Variants in GABARAPL2 observed in about 807,000 individuals in gnomAD.
GABARAPL2 encodes GABA type A receptor associated protein like 2.
A neutral mutation model predicts 16.9 loss-of-function variants in GABARAPL2; 11 were observed. The observed-to-expected ratio is 0.65, with a 90% CI of 0.41 to 1.08. The LOEUF (loss-of-function observed/expected upper bound fraction) is 1.08. Among genes scored for constraint, GABARAPL2 ranks in the 50% least tolerant of loss-of-function variants. The probability of loss-of-function intolerance (pLI) is 0.00; values close to 1 mark genes in which losing one functional copy is unlikely to be tolerated. For synonymous variants in GABARAPL2, 57 were observed against 50.7 expected (o/e 1.12, Z -0.53); for missense variants, 134 against 142.5 (o/e 0.94, Z 0.30).
At chr16:75,574,305 A>G (rs1200466658) in intron 3 of GABARAPL2, among the ~76,000 whole-genome samples, 1 of 152,198 alleles carries the variant, frequency 6.6e-6, no homozygotes, top group Non-Finnish European at 1.5e-5. Context: ...ACTTGCTAGG[A>G]AAAGAGCAGA....
intron 3 of GABARAPL2, among the ~76,000 whole-genome samples, chr16:75,573,786 T>A (rs543926250): frequency 2.4e-4 from 36 of 152,214 alleles, no homozygotes; most frequent in Non-Finnish European, 4.0e-4. Context: ...TCTAGCTGTC[T>A]AATCACTTGG....
At chr16:75,572,998 A>G (rs1025271826) in intron 3 of GABARAPL2, among the ~76,000 whole-genome samples, 6 of 152,254 alleles carry the variant, frequency 3.9e-5, no homozygotes, top group African/African-American at 1.4e-4. Context: ...CAGGGCATCC[A>G]GCAAGCCTGT....
chr16:75,574,336 A>G (rs2080934277), intron 3 of GABARAPL2, among the ~76,000 whole-genome samples: 1 of 152,212 alleles, frequency 6.6e-6, no homozygotes, highest in African/African-American at 2.4e-5. Flanking sequence ...TTTGGAACCA[A>G]ACTTGACAGA....
chr16:75,577,544 A>G lies in GABARAPL2; in HGVS notation c.*175A>G, dbSNP rs1260668287. The G allele has an allele frequency of 5.5e-6, 3 of 541,308 alleles. No individual in the cohort carries two copies. Among genetic ancestry groups the G allele is most frequent in the Non-Finnish European group, 9.9e-6 (3 of 303,422 alleles). The allele number at this position is 541,308 out of a possible 1,614,324, so 33.5% of individuals were successfully genotyped here. ...TCCTTAGACTAGTAAATTATCATACAGAGTTTTATTTTGAGTTTTTCTTTT... is the reference window on the plus strand; with the variant it reads ...TCCTTAGACTAGTAAATTATCATACGGAGTTTTATTTTGAGTTTTTCTTTT... On this transcript the variant is annotated 3_prime_UTR_variant, in exon 4 of 4. Transcript: ENST00000037243.
rs2080894663 is a variant in GABARAPL2 at position 75,568,062 on chromosome 16, C to G, written c.116C>G (p.Ser39Cys). 2 of 1,609,058 alleles carry G rather than the reference C, an allele frequency of 1.2e-6. No individual in the cohort carries two copies. The highest frequency in any genetic ancestry group is 1.7e-6 in the Non-Finnish European group (2 of 1,175,978). The stretch of plus-strand genomic sequence containing the variant: ...GTGATTGTGGAAAAGGTCTCAGGCT[C>G]TCAGATTGTTGACATTGACAAACGG... ...VPVIVEKVSG[S>C]QIVDIDKRKY... Residue 39 changes from serine (S) to cysteine (C), a missense_variant, in exon 3 of 4, where the codon TCT (serine) becomes TGT (cysteine). Physicochemically the swap from Ser to Cys is moderately radical, Grantham distance 112. Coordinates refer to ENST00000037243, the MANE Select transcript of GABARAPL2 (RefSeq NM_007285.7).
At chr16:75,577,256 C>G (rs375592721) in intron 3 of GABARAPL2, 23 bp from the exon 4 acceptor site, 1 of 1,476,036 alleles carries the variant, frequency 6.8e-7, no homozygotes, top group Admixed American at 1.7e-5. Context: ...TTTTCAATGA[C>G]GTTTTTGTTT....
intron 3 of GABARAPL2, among the ~76,000 whole-genome samples, chr16:75,571,629 C>A (rs891066031): frequency 6.6e-6 from 1 of 151,906 alleles, no homozygotes; most frequent in Non-Finnish European, 1.5e-5. Flanking sequence ...GTGCTTAAAG[C>A]ACTTTGATCA....
At chr16:75,568,343 C>G in intron 3 of GABARAPL2, 134 bp downstream of exon 3, 1 of 579,590 alleles carries the variant, frequency 1.7e-6, no homozygotes, top group African/African-American at 1.8e-5. Context: ...TCCCTGACAT[C>G]AGGGGCTCCA....
intron 3 of GABARAPL2, 119 bp downstream of exon 3, chr16:75,568,328 T>A: frequency 1.6e-6 from 1 of 640,446 alleles, no homozygotes; most frequent in Non-Finnish European, 2.7e-6. Flanking sequence ...ATCTGGATTT[T>A]ATGCTCCCTG....
Position 75,568,125 on chromosome 16 carries a change from T to A in GABARAPL2, c.179T>A (p.Phe60Tyr). ...LVPSDITVAQFMWIIRKRIQL... is the reference protein window; with the variant it reads ...LVPSDITVAQYMWIIRKRIQL... The stretch of plus-strand genomic sequence containing the variant: ...CCATCTGATATCACTGTGGCTCAGT[T>A]CATGTGGATCATCAGGAAAAGGATC... Residue 60 changes from phenylalanine to tyrosine, a missense_variant, in exon 3 of 4, where the codon TTC becomes TAC. By Grantham distance (22) the Phe-to-Tyr change is conservative. Transcript: ENST00000037243. 2 of 1,612,988 alleles carry A rather than the reference T, an allele frequency of 1.2e-6. No individual in the cohort carries two copies. The highest frequency in any genetic ancestry group is 1.7e-6 in the Non-Finnish European group (2 of 1,178,968).
At chr16:75,573,046 T>A (rs547865537) in intron 3 of GABARAPL2, among the ~76,000 whole-genome samples, 1 of 152,358 alleles carries the variant, frequency 6.6e-6, no homozygotes, top group South Asian at 2.1e-4. Flanking sequence ...GCTGCCTCTG[T>A]GCTGCAGGAT....
At position 75,566,568 on chromosome 16, in the gene GABARAPL2, T is replaced by TGGGCCCCCTCCCCCACTCGGGC. The variant is rs1308594225; in HGVS notation, c.34+51_34+72dup. ...GGCTGCTGGGGGCTGGGGCGGCGGG[T>TGGGCCCCCTCCCCCACTCGGGC]GGGCCCCCTCCCCCACTCGGGCGGC... On this transcript the variant is annotated intron_variant, in intron 1 of 3. Coordinates refer to ENST00000037243, the MANE Select transcript of GABARAPL2 (RefSeq NM_007285.7). 5.0e-6 allele frequency: 8 copies of TGGGCCCCCTCCCCCACTCGGGC among 1,594,020 alleles called. No homozygotes were observed. The South Asian group carries it at 8.9e-5, about 18-fold the overall frequency.
intron 3 of GABARAPL2, among the ~76,000 whole-genome samples, chr16:75,569,701 C>A (rs2080903984): frequency 6.6e-6 from 1 of 152,192 alleles, no homozygotes; most frequent in Admixed American, 6.5e-5. Flanking sequence ...AAGCAGGCTT[C>A]TGGAGACCTT....
chr16:75,566,987 G>A (rs2080887916), intron 2 of GABARAPL2, 80 bp downstream of exon 2: 7 of 1,197,204 alleles, frequency 5.8e-6, no homozygotes, highest in Non-Finnish European at 8.6e-6. Context: ...CCATTCAACA[G>A]TTGACAAGTT....
At chr16:75,567,886 G>A (rs529418437) in intron 2 of GABARAPL2, 151 bp from the exon 3 acceptor site, 19 of 558,870 alleles carry the variant, frequency 3.4e-5, no homozygotes, top group Non-Finnish European at 5.6e-5. Flanking sequence ...CCTCCAGAGC[G>A]TGTGGTTTAT....
intron 3 of GABARAPL2, among the ~76,000 whole-genome samples, chr16:75,574,608 C>G (rs1275670060): frequency 6.6e-6 from 1 of 152,102 alleles, no homozygotes; most frequent in South Asian, 2.1e-4. Flanking sequence ...GCTACATGTT[C>G]AAGCCCTTCT....
At chr16:75,570,093 C>A (rs1400507854) in intron 3 of GABARAPL2, among the ~76,000 whole-genome samples, 2 of 151,990 alleles carry the variant, frequency 1.3e-5, no homozygotes, top group Non-Finnish European at 2.9e-5. Flanking sequence ...GGGTTTTATT[C>A]TCAGAAGTAA....
intron 1 of GABARAPL2, 71 bp from the exon 2 acceptor site, chr16:75,566,781 G>C: frequency 7.1e-7 from 1 of 1,399,390 alleles, no homozygotes; most frequent in Non-Finnish European, 1.0e-6. Context: ...GGCGCAGGAG[G>C]AGGAGGGCCG....
intron 3 of GABARAPL2, among the ~76,000 whole-genome samples, chr16:75,571,074 A>G (rs2080911357): frequency 6.6e-6 from 1 of 152,144 alleles, no homozygotes; most frequent in African/African-American, 2.4e-5. Context: ...TAATATCTCT[A>G]AGATATTATT....
Sources: gnomAD v4.1 joint callset for allele counts (sites outside exome capture counted in the v4.1 genomes callset) on GRCh38, gnomAD v4.1.1 for gene constraint, MANE v1.5 for transcripts, NCBI Gene and HGNC (gene_info 2026-07-23, HGNC 2026-07-21) for gene names.